The following CTDP1 variants were observed in gnomAD, a reference collection of about 807,000 sequenced individuals.
CTDP1 encodes CTD phosphatase 1, also known as RNA polymerase II subunit A C-terminal domain phosphatase.
In CTDP1, 47 loss-of-function variants were observed where a neutral mutation model predicts 91.8. The ratio of observed to expected loss-of-function variants is 0.51; its 90% CI spans 0.41 to 0.65. The LOEUF (loss-of-function observed/expected upper bound fraction) is 0.65. Among genes scored for constraint, CTDP1 ranks in the 30% least tolerant of loss-of-function variants. The pLI, the probability that CTDP1 is intolerant of heterozygous loss-of-function variation, is 0.00. For missense variants in CTDP1, 1,272 were observed against 1,373.7 expected, an observed-to-expected ratio of 0.93 and a Z score of 1.17; for synonymous variants, 656 against 598.5, an observed-to-expected ratio of 1.10 and a Z score of -1.40.
Position 79,714,847 on chromosome 18 carries a change from G to A in CTDP1, c.1387G>A (p.Glu463Lys). The A allele has an allele frequency of 6.3e-7, 1 of 1,593,072 alleles. No homozygotes were observed. The highest frequency in any genetic ancestry group is 8.5e-7 in the Non-Finnish European group (1 of 1,170,864). Residue 463 changes from glutamate (E) to lysine (K), a missense_variant, in exon 8 of 13, where the codon GAG (glutamate) becomes AAG (lysine). Physicochemically the swap from Glu to Lys is moderately conservative, Grantham distance 56. Around this residue, in one of 3 missense-constraint regions of CTDP1, gnomAD observed 881 missense variants for 911.6 expected, o/e 0.97. Coordinates refer to ENST00000613122, the MANE Select transcript of CTDP1 (RefSeq NM_004715.5). Reference sequence around the variant, plus strand: ...ATCCAGCGACAGCGAGAGCAGCAGTGAGTCCGAGGGCACGAAGTCCTCCTC... The same window carrying A: ...ATCCAGCGACAGCGAGAGCAGCAGTAAGTCCGAGGGCACGAAGTCCTCCTC... Reference protein sequence around the residue: ...DLSSDSESSSESEGTKSSSSA... With the variant: ...DLSSDSESSSKSEGTKSSSSA...
At chr18:79,742,071 G>A (rs558859377) in intron 12 of CTDP1, among the ~76,000 whole-genome samples, 9 of 149,988 alleles carry the variant, frequency 6.0e-5, no homozygotes, top group South Asian at 4.3e-4. Flanking sequence ...AGCATGAGGC[G>A]TCGTGGGAGA....
In CTDP1 at chr18:79,746,309, C is replaced by T. The variant is rs1233126181; in HGVS notation, c.2748-7343C>T. Among the ~76,000 whole-genome samples, 26 of 129,200 alleles carry T rather than the reference C, an allele frequency of 2.0e-4. 2 individuals carry two copies. The highest frequency in any genetic ancestry group is 6.9e-4 in the African/African-American group (23 of 33,572). 84.8% of individuals were successfully genotyped at this position (129,200 alleles called of 152,430 possible). ...GCGCGTTCTGTCCCTGCGTCCCTCC[C>T]GTGCGCGTTCTGTCCCCGCGTCCCT... On this transcript the variant is annotated intron_variant, in intron 12 of 12. Transcript: ENST00000613122.
chr18:79,729,244 C>A (rs1185444612), intron 11 of CTDP1, among the ~76,000 whole-genome samples, 175 bp downstream of exon 11: 1 of 152,192 alleles, frequency 6.6e-6, no homozygotes, highest in African/African-American at 2.4e-5. Context: ...ACTTCCTATT[C>A]AAGGAGACCT....
chr18:79,696,331 G>A (rs2085745781), intron 3 of CTDP1, among the ~76,000 whole-genome samples: 1 of 152,218 alleles, frequency 6.6e-6, no homozygotes, highest in African/African-American at 2.4e-5. Flanking sequence ...GGAACACCAG[G>A]TGCTGCCGCC....
chr18:79,714,950 T>C lies in CTDP1; in HGVS notation c.1490T>C (p.Leu497Pro), dbSNP rs767916810. 3.2e-6 allele frequency: 5 copies of C among 1,565,000 alleles called. No individual in the cohort carries two copies. The African/African-American group carries it at 5.4e-5, about 17-fold the overall frequency. Residue 497 changes from leucine to proline, a missense_variant, in exon 8 of 13, where the codon CTG (leucine) becomes CCG (proline). Coordinates refer to ENST00000613122, the MANE Select transcript of CTDP1 (RefSeq NM_004715.5). Reference sequence around the variant, plus strand: ...GCTGCCCCAGAGGGAGCCGGGGCGCTGGCACAGGGCAGTTCCCTGGAGCCG... The same window carrying C: ...GCTGCCCCAGAGGGAGCCGGGGCGCCGGCACAGGGCAGTTCCCTGGAGCCG... ...PKAAPEGAGALAQGSSLEPGR... is the reference protein window; with the variant it reads ...PKAAPEGAGAPAQGSSLEPGR...
At chr18:79,750,341 A>G (rs1274924741) in intron 12 of CTDP1, among the ~76,000 whole-genome samples, 1 of 151,886 alleles carries the variant, frequency 6.6e-6, no homozygotes, top group Admixed American at 6.6e-5. Context: ...ATGCACCGAC[A>G]CTCCCAGCTA....
chr18:79,695,697 A>G (rs1245504699), intron 2 of CTDP1, among the ~76,000 whole-genome samples: 1 of 152,244 alleles, frequency 6.6e-6, no homozygotes, highest in Middle Eastern at 3.4e-3. Flanking sequence ...CTGCGTTTTC[A>G]TGGTTGAGGG....
At chr18:79,750,394 T>A (rs1409664455) in intron 12 of CTDP1, among the ~76,000 whole-genome samples, 2 of 152,144 alleles carry the variant, frequency 1.3e-5, no homozygotes, top group African/African-American at 4.8e-5. Context: ...AAAGTAAGCC[T>A]TTATTTCTCA....
intron 3 of CTDP1, among the ~76,000 whole-genome samples, chr18:79,697,632 C>T (rs1035344890): frequency 6.6e-6 from 1 of 152,200 alleles, no homozygotes; most frequent in Non-Finnish European, 1.5e-5. Flanking sequence ...CCTCCGTTTT[C>T]ATTGGCTCAT....
At position 79,704,871 on chromosome 18, in the gene CTDP1, G is replaced by T. The variant is rs747317402; in HGVS notation, c.726G>T (p.Leu242=). Residue 242 remains leucine (L), a synonymous_variant, in exon 5 of 13, where the codon CTG becomes CTT. Transcript: ENST00000613122. ...AGAAGATCGCCAAGCTGTACGAGCT[G>T]CACGTCTTCACCTTCGGCAGCCGGC... ...FLEKIAKLYE[L]HVFTFGSRLY... is the part of the protein sequence containing the mutation. 12 of 1,613,760 alleles carry T rather than the reference G, an allele frequency of 7.4e-6. No individual in the cohort carries two copies. The African/African-American group carries it at 1.3e-4, about 18-fold the overall frequency.
In CTDP1 at chr18:79,704,931, C is replaced by T. The variant is rs1229609497; in HGVS notation, c.772+14C>T. 6 of 1,612,766 alleles carry T rather than the reference C, an allele frequency of 3.7e-6. No individual in the cohort carries two copies. The Admixed American group carries it at 1.0e-4, about 27-fold the overall frequency. Reference sequence around the variant, plus strand: ...ACACCATCGCAGGTCAGTCAAGCCGCAGCCGAAGAGGCCGTGTGAACAGTG... The same window carrying T: ...ACACCATCGCAGGTCAGTCAAGCCGTAGCCGAAGAGGCCGTGTGAACAGTG... On this transcript the variant is annotated intron_variant, in intron 5 of 12. Coordinates refer to ENST00000613122, the MANE Select transcript of CTDP1 (RefSeq NM_004715.5).
rs953422211 is a variant in CTDP1, at chr18:79,754,383, G to C, written c.*593G>C. On this transcript the variant is annotated 3_prime_UTR_variant, in exon 13 of 13. Coordinates refer to ENST00000613122, the MANE Select transcript of CTDP1 (RefSeq NM_004715.5). ...CCTCCCACTGGCATCCTGGCAAGGG[G>C]GCGTTGCTTTTCCTGGGCGGCCTTT... 6.4e-6 allele frequency: 1 copy of C among 155,912 alleles called. No homozygotes were observed. The highest frequency in any genetic ancestry group is 2.4e-5 in the African/African-American group (1 of 41,484). 9.7% of individuals were successfully genotyped at this position (155,912 alleles called of 1,614,324 possible). A position where few individuals can be genotyped will look rare whatever the true frequency, so the allele number is the denominator to read the frequency against.
At chr18:79,742,176 AAGCAT>A (rs574958699) in intron 12 of CTDP1, among the ~76,000 whole-genome samples, 3,711 of 94,460 alleles carry the variant, frequency 0.039, 55 homozygotes, top group East Asian at 0.11. Flanking sequence ...AGGAAGCATG[AAGCAT>A]GAGAGAGAGA....
At chr18:79,725,530 T>TG (rs2086428488) in intron 10 of CTDP1, among the ~76,000 whole-genome samples, 1 of 152,104 alleles carries the variant, frequency 6.6e-6, no homozygotes, top group Non-Finnish European at 1.5e-5. Context: ...TCTATTTTTT[T>TG]TTTGTTTGTT....
At position 79,701,384 on chromosome 18, in the gene CTDP1, C is replaced by G. The variant is rs1471352686; in HGVS notation, c.622-3383C>G. Reference sequence around the variant, plus strand: ...AATTAGCCGGGTGTGGTGGCGGGTGCCTGTAGTCCCAGCTACTCGGGAGGC... The same window carrying G: ...AATTAGCCGGGTGTGGTGGCGGGTGGCTGTAGTCCCAGCTACTCGGGAGGC... On this transcript the variant is annotated intron_variant, in intron 4 of 12. Transcript: ENST00000613122. Among the ~76,000 whole-genome samples the G allele has an allele frequency of 2.0e-5, 3 of 151,836 alleles. No homozygotes were observed. The East Asian group carries it at 5.8e-4, about 29-fold the overall frequency.
chr18:79,732,760 G>T (rs1158911258), intron 11 of CTDP1, among the ~76,000 whole-genome samples: 1 of 151,866 alleles, frequency 6.6e-6, no homozygotes, highest in African/African-American at 2.4e-5. Context: ...CTGTCACCAG[G>T]AGTGCTCCCA....
intron 1 of CTDP1, among the ~76,000 whole-genome samples, chr18:79,693,042 G>A (rs1436651369): frequency 6.6e-6 from 1 of 152,182 alleles, no homozygotes; most frequent in Non-Finnish European, 1.5e-5. Context: ...CCGGGGAGTT[G>A]GGGGCTGCCA....
At chr18:79,714,178 T>G (rs911849297) in intron 7 of CTDP1, among the ~76,000 whole-genome samples, 1 of 152,172 alleles carries the variant, frequency 6.6e-6, no homozygotes, top group Non-Finnish European at 1.5e-5. Flanking sequence ...GCTTTTTGAG[T>G]GCCCACATGG....
At chr18:79,731,267 C>T (rs1398739361) in intron 11 of CTDP1, among the ~76,000 whole-genome samples, 1 of 152,190 alleles carries the variant, frequency 6.6e-6, no homozygotes, top group Non-Finnish European at 1.5e-5. Context: ...GTGTCGAGAT[C>T]TCTGGCCATT....
Sources: gnomAD v4.1 joint callset for allele counts (sites outside exome capture counted in the v4.1 genomes callset) on GRCh38, gnomAD v4.1.1 for gene constraint, gnomAD v4.1.1 regional missense constraint, MANE v1.5 for transcripts, NCBI Gene and HGNC (gene_info 2026-07-23, HGNC 2026-07-21) for gene names.